The following ENO4 variants were observed in gnomAD, a reference collection of about 807,000 sequenced individuals.
ENO4 encodes the protein 2-phospho-D-glycerate hydro-lyase.
A neutral mutation model predicts 63.2 loss-of-function variants in ENO4; 53 were observed. That is an observed-to-expected ratio of 0.84 (90% CI 0.67 to 1.05). The LOEUF (loss-of-function observed/expected upper bound fraction) is 1.05. Ranked by LOEUF, ENO4 falls within the 50% of genes least tolerant of loss-of-function variation. The pLI is 0.00. For synonymous variants in ENO4, 266 were observed against 283.8 expected (o/e 0.94, Z 0.63); for missense variants, 719 against 772.0 (o/e 0.93, Z 0.81).
rs772849432 is a variant in ENO4 at position 116,901,832 on chromosome 10, G to C, written c.1195-9667G>C. The C allele has an allele frequency of 7.5e-6, 12 of 1,604,338 alleles. No individual in the cohort carries two copies. Among genetic ancestry groups the C allele is most frequent in the Admixed American group, 5.3e-5 (3 of 56,872 alleles). Reference sequence around the variant, plus strand: ...GGCCCTTCACCTGGCTCAGGTGTTGGGGGGGACGGGCTGTTGAATTCTGCC... The same window carrying C: ...GGCCCTTCACCTGGCTCAGGTGTTGCGGGGGACGGGCTGTTGAATTCTGCC... On this transcript the variant is annotated intron_variant, in intron 10 of 10. Coordinates refer to the ENO4 transcript ENST00000369207.
Position 116,859,155 on chromosome 10 carries a change from T to C in ENO4, c.634+17T>C, listed in dbSNP as rs1166995931. On this transcript the variant is annotated intron_variant, in intron 4 of 13. Coordinates refer to ENST00000341276, the MANE Select transcript of ENO4 (RefSeq NM_001242699.2). ...AAAAGCCAGGTTGGTTGGTGACTTA[T>C]CTTGCAGAGTCGTTAGTAACAAATG... The C allele has an allele frequency of 2.0e-6, 3 of 1,518,614 alleles. No individual in the cohort carries two copies. The highest frequency in any genetic ancestry group is 2.6e-6 in the Non-Finnish European group (3 of 1,138,710). 94.1% of individuals were successfully genotyped at this position (1,518,614 alleles called of 1,614,324 possible). A position where few individuals can be genotyped will look rare whatever the true frequency, so the allele number is the denominator to read the frequency against.
chr10:116,878,845 G>A (rs572498802), intron 11 of ENO4, among the ~76,000 whole-genome samples: 32 of 145,358 alleles, frequency 2.2e-4, no homozygotes, highest in East Asian at 6.2e-4. Flanking sequence ...CCGGGTTCAC[G>A]CCATTCTCCT....
At chr10:116,911,574 C>A (rs1215889291) in exon 11 of ENO4, 1 of 1,550,802 alleles carries the variant, frequency 6.4e-7, no homozygotes. Context: ...AAAGTGTAAC[C>A]ACTCTTTTAG....
intron 10 of ENO4, among the ~76,000 whole-genome samples, chr10:116,875,755 A>C (rs1468297904): frequency 6.6e-6 from 1 of 152,216 alleles, no homozygotes; most frequent in African/African-American, 2.4e-5. Flanking sequence ...CCTTAGCAGC[A>C]TTATAGACAA....
rs554837986 is a variant in ENO4 at position 116,859,561 on chromosome 10, A to T, written c.634+423A>T. On this transcript the variant is annotated intron_variant, in intron 4 of 13. Coordinates refer to ENST00000341276, the MANE Select transcript of ENO4 (RefSeq NM_001242699.2). ...ATGTAAAATAAACATTTTCTTTATG[A>T]AACTTTATTTTAAAGCAAATAATAG... Among the ~76,000 whole-genome samples, 3 of 152,332 alleles carry T rather than the reference A, an allele frequency of 2.0e-5. No individual in the cohort carries two copies. In the South Asian group the frequency reaches 6.2e-4, roughly 32 times the overall value.
chr10:116,887,520 C>T (rs77616788), downstream of ENO4, among the ~76,000 whole-genome samples: 1,903 of 152,212 alleles, frequency 0.013, 22 homozygotes, highest in Non-Finnish European at 0.02. Flanking sequence ...CTTGGTGTTC[C>T]GCCAGGTGCC....
chr10:116,892,857 A>G (rs1427500935), intron 10 of ENO4, among the ~76,000 whole-genome samples: 3 of 152,224 alleles, frequency 2.0e-5, no homozygotes, highest in Non-Finnish European at 4.4e-5. Context: ...AAATAAAAGG[A>G]AACATAAACA....
downstream of ENO4, among the ~76,000 whole-genome samples, chr10:116,887,469 A>G (rs1241794066): frequency 6.6e-6 from 1 of 152,078 alleles, no homozygotes; most frequent in African/African-American, 2.4e-5. Context: ...GTCCCTGAGA[A>G]CTGGCTGTTA....
rs1589768724 is a variant in ENO4 at position 116,881,718 on chromosome 10, G to A, written c.*49G>A. ...GCCACACCATCAGTATTAGTAGACC[G>A]GGAGGTCTGAAGTACGGCGCCGTGT... On this transcript the variant is annotated 3_prime_UTR_variant, in exon 14 of 14. Transcript: ENST00000341276. 7 of 1,343,262 alleles carry A rather than the reference G, an allele frequency of 5.2e-6. No individual in the cohort carries two copies. The highest frequency in any genetic ancestry group is 2.9e-5 in the East Asian group (1 of 34,408). The allele number at this position is 1,343,262 out of a possible 1,614,324, so 83.2% of individuals were successfully genotyped here.
intron 6 of ENO4, among the ~76,000 whole-genome samples, chr10:116,862,447 T>A (rs1452029231): frequency 6.7e-6 from 1 of 149,066 alleles, no homozygotes; most frequent in East Asian, 2.0e-4. Flanking sequence ...GGCAACAGAG[T>A]GAAACTCCAT....
chr10:116,876,962 T>G (rs868589715), intron 11 of ENO4, among the ~76,000 whole-genome samples: 2 of 151,990 alleles, frequency 1.3e-5, no homozygotes, highest in Admixed American at 6.6e-5. Flanking sequence ...ATTAATTAAT[T>G]AATTAATTAA....
At chr10:116,866,878 T>C (rs1215489331) in intron 7 of ENO4, among the ~76,000 whole-genome samples, 7 of 152,054 alleles carry the variant, frequency 4.6e-5, no homozygotes, top group Admixed American at 4.6e-4. Context: ...CACCTATTGA[T>C]AGCCTAGTAA....
At chr10:116,891,566 AG>A (rs1293054660) in intron 10 of ENO4, among the ~76,000 whole-genome samples, 2 of 152,224 alleles carry the variant, frequency 1.3e-5, no homozygotes, top group African/African-American at 4.8e-5. Context: ...AACTCCAAAG[AG>A]GAAGTTCCTT....
intron 4 of ENO4, among the ~76,000 whole-genome samples, chr10:116,859,419 G>A (rs373435336): frequency 5.9e-5 from 9 of 152,122 alleles, no homozygotes; most frequent in African/African-American, 1.2e-4. Context: ...AGTGGGAGGG[G>A]ATGGCATGGG....
At chr10:116,863,112 A>G (rs1564847243) in intron 7 of ENO4, among the ~76,000 whole-genome samples, 1 of 152,214 alleles carries the variant, frequency 6.6e-6, no homozygotes, top group Non-Finnish European at 1.5e-5. Context: ...TTACTAAGAA[A>G]GAAAGGATGT....
intron 10 of ENO4, among the ~76,000 whole-genome samples, chr10:116,897,107 T>C (rs1331960254): frequency 1.3e-5 from 2 of 152,162 alleles, no homozygotes; most frequent in African/African-American, 4.8e-5. Flanking sequence ...TAAGCCACCA[T>C]GCCTGGCCTG....
At chr10:116,911,873 T>G, downstream of ENO4, 2 of 1,541,766 alleles carry the variant, frequency 1.3e-6, no homozygotes, top group South Asian at 1.1e-5. Context: ...GAAAAATCAC[T>G]GAGTAATTCA....
intron 8 of ENO4, among the ~76,000 whole-genome samples, chr10:116,869,216 G>A (rs775254448): frequency 5.9e-5 from 9 of 152,172 alleles, no homozygotes; most frequent in Non-Finnish European, 8.8e-5. Context: ...AAACCCGTTC[G>A]CTGGCTTCAG....
intron 10 of ENO4, chr10:116,907,961 T>A: frequency 2.0e-6 from 1 of 506,458 alleles, no homozygotes; most frequent in Non-Finnish European, 3.9e-6. Context: ...AATGGTTGTT[T>A]TAGCCATTTT....
Sources: allele counts gnomAD v4.1 joint callset (sites outside exome capture counted in the v4.1 genomes callset), GRCh38; gene constraint gnomAD v4.1.1; transcripts MANE v1.5; gene names NCBI Gene and HGNC (gene_info 2026-07-23, HGNC 2026-07-21).